The following IQCK variants were observed in gnomAD, a reference collection of about 807,000 sequenced individuals.
IQCK encodes the protein IQ domain-containing protein K.
IQCK carries 29 observed loss-of-function variants against 28.1 expected under a neutral mutation model. The observed-to-expected ratio is 1.03, with a 90% CI of 0.77 to 1.41. The LOEUF is 1.41. IQCK is among the 40% of genes most tolerant of loss of function. The pLI is 0.00. For missense variants in IQCK, 359 were observed against 314.7 expected (o/e 1.14, Z -1.07); for synonymous variants, 113 against 115.1 (o/e 0.98, Z 0.12).
intron 6 of IQCK, among the ~76,000 whole-genome samples, chr16:19,769,302 G>T (rs1035799862): frequency 6.6e-6 from 1 of 152,242 alleles, no homozygotes; most frequent in Non-Finnish European, 1.5e-5. Flanking sequence ...GAGTATCAAA[G>T]AATGTGTGGA....
At chr16:19,737,551 A>G (rs995926804) in intron 4 of IQCK, among the ~76,000 whole-genome samples, 1 of 152,194 alleles carries the variant, frequency 6.6e-6, no homozygotes, top group Non-Finnish European at 1.5e-5. Context: ...ATGATGAGAC[A>G]TTGATCAGAA....
intron 1 of IQCK, among the ~76,000 whole-genome samples, chr16:19,727,574 G>A (rs959298888): frequency 7.0e-6 from 1 of 143,176 alleles, no homozygotes; most frequent in Non-Finnish European, 1.5e-5. Context: ...GCGACAGAGC[G>A]AGACTTTGTC....
intron 4 of IQCK, chr16:19,761,707 G>C (rs924376966): frequency 3.9e-6 from 1 of 259,338 alleles, no homozygotes; most frequent in African/African-American, 2.2e-5. Context: ...GGCAGGCTCA[G>C]CTTATCTTCT....
chr16:19,807,017 A>G (rs2055842890), intron 7 of IQCK, among the ~76,000 whole-genome samples: 1 of 152,228 alleles, frequency 6.6e-6, no homozygotes, highest in Non-Finnish European at 1.5e-5. Context: ...AGAATATGGC[A>G]GAAATAATGG....
chr16:19,763,927 G>T, intron 5 of IQCK, 27 bp downstream of exon 5: 5 of 1,606,254 alleles, frequency 3.1e-6, no homozygotes, highest in Non-Finnish European at 4.3e-6. Context: ...TGACTATTCA[G>T]TGATCCTAAG....
chr16:19,826,991 C>T lies in IQCK; in HGVS notation c.691-35C>T, dbSNP rs780728194. On this transcript the variant is annotated intron_variant, in intron 7 of 7. Transcript: ENST00000564186. The stretch of plus-strand genomic sequence containing the variant: ...AATAAGCTAGTGTACAGAAGTGTGT[C>T]GAAAAGGGACTAAAGTTTTACTGGG... The T allele has an allele frequency of 1.6e-5, 22 of 1,411,238 alleles. 1 individual carries two copies. Among genetic ancestry groups the T allele is most frequent in the East Asian group, 9.1e-5 (4 of 43,956 alleles). 87.4% of individuals were successfully genotyped at this position (1,411,238 alleles called of 1,614,324 possible).
intron 7 of IQCK, among the ~76,000 whole-genome samples, chr16:19,823,900 T>C (rs2056107972): frequency 6.6e-6 from 1 of 151,822 alleles, no homozygotes. Flanking sequence ...ACCACTGTAC[T>C]CCAGCCTAGG....
rs201293719 is a variant in IQCK at position 19,799,263 on chromosome 16, T to TA, written c.690+10341_690+10342insA. ...AATTCTTCTATGGTATATATATATA[T>TA]TTTTTTTATTTTTTAAATTTATTTT... On this transcript the variant is annotated intron_variant, in intron 7 of 7. Coordinates refer to ENST00000564186, the Ensembl canonical transcript of IQCK. Among the ~76,000 whole-genome samples the TA allele has an allele frequency of 4.7e-3, 450 of 96,740 alleles. 99 individuals are homozygous for TA. In the African/African-American group the frequency reaches 0.047, roughly 10 times the overall value. The allele number at this position is 96,740 out of a possible 152,430, so 63.5% of individuals were successfully genotyped here.
At chr16:19,762,777 G>A (rs1026926695) in intron 4 of IQCK, among the ~76,000 whole-genome samples, 1 of 152,156 alleles carries the variant, frequency 6.6e-6, no homozygotes. Flanking sequence ...CACTTTGGGA[G>A]GCCAAGGCAG....
At chr16:19,741,437 C>T (rs2054833202) in intron 4 of IQCK, among the ~76,000 whole-genome samples, 1 of 152,066 alleles carries the variant, frequency 6.6e-6, no homozygotes, top group African/African-American at 2.4e-5. Context: ...AACAAGGGGG[C>T]TAGAAACAGT....
intron 4 of IQCK, among the ~76,000 whole-genome samples, chr16:19,753,096 A>G (rs1456901509): frequency 6.6e-6 from 1 of 151,890 alleles, no homozygotes; most frequent in Non-Finnish European, 1.5e-5. Context: ...GTTTCTCTCT[A>G]ATTGAGCCAA....
rs527827881 is a variant in IQCK at position 19,761,232 on chromosome 16, CA to C, written c.475-2614del. ...CTGGTTCACGTGCCTCTGACATTTC[CA>C]ATAAGGTTACATTCCGAAGGGGTTA... On this transcript the variant is annotated intron_variant, in intron 4 of 7. Transcript: ENST00000564186. The C allele has an allele frequency of 5.1e-5, 18 of 350,670 alleles. No individual in the cohort carries two copies. The East Asian group carries it at 1.2e-3, about 24-fold the overall frequency. The allele number at this position is 350,670 out of a possible 1,614,324, so 21.7% of individuals were successfully genotyped here. A position where few individuals can be genotyped will look rare whatever the true frequency, so the allele number is the denominator to read the frequency against.
At chr16:19,765,791 A>G (rs2055225832) in intron 6 of IQCK, among the ~76,000 whole-genome samples, 1 of 152,206 alleles carries the variant, frequency 6.6e-6, no homozygotes, top group Non-Finnish European at 1.5e-5. Context: ...TGTATAGCCC[A>G]AAATTTATTG....
At chr16:19,747,070 G>A (rs1487757804) in intron 4 of IQCK, among the ~76,000 whole-genome samples, 3 of 152,184 alleles carry the variant, frequency 2.0e-5, no homozygotes, top group Admixed American at 6.5e-5. Flanking sequence ...TTGAGCTCAG[G>A]AGTTCAAGAC....
chr16:19,845,475 G>A (rs933511400), intron 9 of IQCK, among the ~76,000 whole-genome samples: 1 of 152,220 alleles, frequency 6.6e-6, no homozygotes, highest in South Asian at 2.1e-4. Context: ...GGGTTTGTCT[G>A]TGTTCATTCA....
chr16:19,779,264 G>A (rs945264333), intron 6 of IQCK, among the ~76,000 whole-genome samples: 1 of 152,196 alleles, frequency 6.6e-6, no homozygotes, highest in Non-Finnish European at 1.5e-5. Flanking sequence ...CTCATGGAGA[G>A]GAGGAAGTAA....
chr16:19,736,285 A>G, intron 4 of IQCK: 3 of 414,090 alleles, frequency 7.2e-6, no homozygotes, highest in South Asian at 5.3e-5. Flanking sequence ...TCTTTTTGAG[A>G]CAGGGTCTTG....
intron 6 of IQCK, among the ~76,000 whole-genome samples, chr16:19,786,659 C>T (rs2055565675): frequency 7.0e-6 from 1 of 141,896 alleles, no homozygotes; most frequent in Non-Finnish European, 1.5e-5. Flanking sequence ...GATTATGCCA[C>T]TGTACTCTAG....
At chr16:19,853,253 C>A (rs2056509222) in intron 9 of IQCK, among the ~76,000 whole-genome samples, 1 of 152,062 alleles carries the variant, frequency 6.6e-6, no homozygotes, top group Non-Finnish European at 1.5e-5. Flanking sequence ...CCAGGTAATT[C>A]CACTGGGAGG....
Sources: allele counts gnomAD v4.1 joint callset (sites outside exome capture counted in the v4.1 genomes callset), GRCh38; gene constraint gnomAD v4.1.1; transcripts MANE v1.5; gene names NCBI Gene and HGNC (gene_info 2026-07-23, HGNC 2026-07-21).